The following HPSE2 variants were observed in gnomAD, a reference collection of about 807,000 sequenced individuals.
The protein encoded by HPSE2 is heparanase 2 (inactive).
In HPSE2, 38 loss-of-function variants were observed where a neutral mutation model predicts 60.5. That is an observed-to-expected ratio of 0.63 (90% CI 0.48 to 0.82). The LOEUF (loss-of-function observed/expected upper bound fraction) is 0.82. HPSE2 is among the 40% of genes least tolerant of loss of function. HPSE2 has a pLI of 0.00. For synonymous variants in HPSE2, 295 were observed against 293.2 expected, an observed-to-expected ratio of 1.01 and a Z score of -0.06; for missense variants, 713 against 740.4, an observed-to-expected ratio of 0.96 and a Z score of 0.43.
At chr10:99,070,799 T>C (rs544960585) in intron 3 of HPSE2, among the ~76,000 whole-genome samples, 4 of 152,340 alleles carry the variant, frequency 2.6e-5, no homozygotes, top group African/African-American at 9.6e-5. Flanking sequence ...TAGCATAATG[T>C]CCTCCAGTTT....
chr10:99,149,973 G>A (rs538468328), intron 2 of HPSE2, among the ~76,000 whole-genome samples: 1 of 149,614 alleles, frequency 6.7e-6, no homozygotes, highest in African/African-American at 2.5e-5. Flanking sequence ...GTTCTTTGTT[G>A]TTATGTAATC....
At chr10:99,012,915 T>C (rs546691048) in intron 3 of HPSE2, among the ~76,000 whole-genome samples, 1 of 152,320 alleles carries the variant, frequency 6.6e-6, no homozygotes, top group African/African-American at 2.4e-5. Context: ...AAAAAACTAA[T>C]GAGAAAGCAG....
At chr10:98,571,997 G>A (rs948392020) in intron 9 of HPSE2, among the ~76,000 whole-genome samples, 1 of 146,516 alleles carries the variant, frequency 6.8e-6, no homozygotes, top group Admixed American at 7.0e-5. Flanking sequence ...GGAGTGCAGT[G>A]GCGTGATCTT....
intron 3 of HPSE2, among the ~76,000 whole-genome samples, chr10:98,827,549 T>C (rs759137545): frequency 1.3e-5 from 2 of 152,140 alleles, no homozygotes; most frequent in African/African-American, 2.4e-5. Context: ...CGCAGCAACA[T>C]AAAACTGAAA....
chr10:98,655,207 T>G (rs1050233128), intron 6 of HPSE2, among the ~76,000 whole-genome samples: 12 of 151,810 alleles, frequency 7.9e-5, no homozygotes, highest in African/African-American at 2.7e-4. Context: ...CTTTCTCATC[T>G]GGGATAAGGC....
intron 3 of HPSE2, among the ~76,000 whole-genome samples, chr10:99,100,977 T>A (rs948922422): frequency 1.8e-4 from 27 of 151,950 alleles, no homozygotes; most frequent in South Asian, 1.0e-3. Context: ...CTAAAAGAGC[T>A]CCTGAAGGAA....
chr10:99,153,287 C>A (rs1428039988), intron 2 of HPSE2, among the ~76,000 whole-genome samples: 1 of 152,086 alleles, frequency 6.6e-6, no homozygotes, highest in African/African-American at 2.4e-5. Flanking sequence ...ATAGGCTCCA[C>A]CTCTGGGGGC....
intron 2 of HPSE2, among the ~76,000 whole-genome samples, chr10:99,153,230 C>T (rs1005493094): frequency 2.6e-5 from 4 of 152,164 alleles, no homozygotes; most frequent in Non-Finnish European, 5.9e-5. Flanking sequence ...CCTGGAAGCT[C>T]GAACTGGGTG....
At chr10:98,866,051 C>A (rs1257690412) in intron 3 of HPSE2, among the ~76,000 whole-genome samples, 1 of 152,044 alleles carries the variant, frequency 6.6e-6, no homozygotes, top group Non-Finnish European at 1.5e-5. Flanking sequence ...GTCAAGAAAA[C>A]ATGACTCATG....
At chr10:98,558,451 A>G (rs1349803443) in intron 9 of HPSE2, among the ~76,000 whole-genome samples, 1 of 152,250 alleles carries the variant, frequency 6.6e-6, no homozygotes, top group Non-Finnish European at 1.5e-5. Context: ...ATCCACAACT[A>G]TACCCAAAAA....
In HPSE2 at chr10:98,693,937, C is replaced by A; in HGVS notation, c.967G>T (p.Val323Leu). Residue 323 changes from valine (V) to leucine (L), a missense_variant, in exon 6 of 12, where the codon GTG becomes TTG. Val to Leu is a conservative substitution (Grantham distance 32). Coordinates refer to ENST00000370552, the MANE Select transcript of HPSE2 (RefSeq NM_021828.5). ...ACTGCATCTACTGTACTTCCTGCCA[C>A]CTTCATGAATCTGTAAGGAATAGAA... ...VIALLDGFMK[V>L]AGSTVDAVTW... 6.2e-7 allele frequency: 1 copy of A among 1,612,634 alleles called. No individual in the cohort carries two copies. Among genetic ancestry groups the A allele is most frequent in the African/African-American group, 1.3e-5 (1 of 75,008 alleles).
At chr10:99,186,088 T>G (rs1847998047) in intron 2 of HPSE2, among the ~76,000 whole-genome samples, 1 of 100,618 alleles carries the variant, frequency 9.9e-6, no homozygotes, top group Non-Finnish European at 2.1e-5. Flanking sequence ...CTGATAACAC[T>G]AAGCAGGATA....
chr10:98,605,659 A>G (rs1945559522), intron 9 of HPSE2, among the ~76,000 whole-genome samples: 1 of 152,168 alleles, frequency 6.6e-6, no homozygotes, highest in Non-Finnish European at 1.5e-5. Context: ...CACCACTATT[A>G]TTTGTATGAA....
At chr10:99,084,239 T>G (rs1407934159) in intron 3 of HPSE2, among the ~76,000 whole-genome samples, 1 of 152,134 alleles carries the variant, frequency 6.6e-6, no homozygotes, top group African/African-American at 2.4e-5. Flanking sequence ...GCATTTGCTT[T>G]TCTTGGTAAC....
chr10:98,811,811 G>C (rs1049709250), intron 3 of HPSE2, among the ~76,000 whole-genome samples: 1 of 152,018 alleles, frequency 6.6e-6, no homozygotes, highest in African/African-American at 2.4e-5. Context: ...CATAAACATA[G>C]CAAATATCTC....
intron 2 of HPSE2, among the ~76,000 whole-genome samples, chr10:99,179,759 A>AC (rs969236438): frequency 8.4e-5 from 9 of 107,262 alleles, no homozygotes; most frequent in Non-Finnish European, 2.3e-4. Flanking sequence ...AAAAAAAAAA[A>AC]ACTTTAAACT....
intron 3 of HPSE2, among the ~76,000 whole-genome samples, chr10:98,746,419 TTCAACA>T (rs149613473): frequency 9.1e-4 from 138 of 152,124 alleles, no homozygotes; most frequent in African/African-American, 3.2e-3. Context: ...TGCTTTACTA[TTCAACA>T]TCATTAATAC....
At chr10:98,960,460 TA>T (rs1286373595) in intron 3 of HPSE2, among the ~76,000 whole-genome samples, 1 of 152,072 alleles carries the variant, frequency 6.6e-6, no homozygotes, top group Non-Finnish European at 1.5e-5. Context: ...TTATTCGAGT[TA>T]AAAAGATTAA....
chr10:98,734,575 T>C (rs967049062), intron 4 of HPSE2, among the ~76,000 whole-genome samples: 2 of 152,198 alleles, frequency 1.3e-5, no homozygotes, highest in Non-Finnish European at 2.9e-5. Context: ...TGGTATTTAA[T>C]TGTGGTTTTG....
Sources: gnomAD v4.1 joint callset for allele counts (sites outside exome capture counted in the v4.1 genomes callset) on GRCh38, gnomAD v4.1.1 for gene constraint, MANE v1.5 for transcripts, NCBI Gene and HGNC (gene_info 2026-07-23, HGNC 2026-07-21) for gene names.